The following ARHGEF18 variants were observed in gnomAD, a reference collection of about 807,000 sequenced individuals.
ARHGEF18 encodes the protein Rho/Rac guanine nucleotide exchange factor 18.
ARHGEF18 carries 93 observed loss-of-function variants against 155.7 expected under a neutral mutation model. The ratio of observed to expected loss-of-function variants is 0.60; its 90% CI spans 0.50 to 0.71. The LOEUF (loss-of-function observed/expected upper bound fraction) is 0.71, where lower values mean the gene tolerates loss of function less well. Ranked by LOEUF, ARHGEF18 falls within the 30% of genes least tolerant of loss-of-function variation. ARHGEF18 has a pLI of 0.00. For missense variants in ARHGEF18, 1,593 were observed against 1,816.1 expected, an observed-to-expected ratio of 0.88 and a Z score of 2.23; for synonymous variants, 742 against 753.1, an observed-to-expected ratio of 0.99 and a Z score of 0.24.
chr19:7,376,571 C>T (rs1232748902), intron 4 of ARHGEF18, 72 bp from the exon 5 acceptor site: 1 of 1,005,674 alleles, frequency 9.9e-7, no homozygotes, highest in African/African-American at 1.7e-5. Context: ...TGGGTTGGGC[C>T]CCTCAATCCA....
At chr19:7,409,620 A>G (rs1310206890) in intron 10 of ARHGEF18, among the ~76,000 whole-genome samples, 1 of 149,214 alleles carries the variant, frequency 6.7e-6, no homozygotes, top group African/African-American at 2.5e-5. Flanking sequence ...ATTTTTTAGT[A>G]AACACGGGGT....
the ARHGEF18 span, among the ~76,000 whole-genome samples, chr19:7,479,172 C>T: frequency 1.3e-5 from 2 of 152,162 alleles, no homozygotes; most frequent in East Asian, 3.9e-4. Context: ...GATTCCTGGG[C>T]TCCCCAGACC....
chr19:7,411,874 C>T (rs1489386199), intron 10 of ARHGEF18, among the ~76,000 whole-genome samples: 1 of 152,114 alleles, frequency 6.6e-6, no homozygotes, highest in African/African-American at 2.4e-5. Flanking sequence ...TCTTTTGTGA[C>T]TGGCTTATTT....
At chr19:7,478,413 G>A in the ARHGEF18 span, 1 of 1,581,584 alleles carries the variant, frequency 6.3e-7, no homozygotes, top group South Asian at 1.1e-5. Context: ...TGCCCCGGCG[G>A]GGAGCAGGAG....
chr19:7,467,133 TG>T lies in ARHGEF18; in HGVS notation c.3009+19del. 1 of 1,591,402 alleles carries T rather than the reference TG, an allele frequency of 6.3e-7. No homozygotes were observed. The highest frequency in any genetic ancestry group is 8.6e-7 in the Non-Finnish European group (1 of 1,164,836). On this transcript the variant is annotated intron_variant, in intron 25 of 28. Transcript: ENST00000668164. ...TGAACCTTCAGGTACAGGGGCGGGGTGGGGCCGGCCACGCGTGCCCTTTCCT... is the reference window on the plus strand; with the variant it reads ...TGAACCTTCAGGTACAGGGGCGGGGTGGGCCGGCCACGCGTGCCCTTTCCT...
At position 7,453,642 on chromosome 19, in the gene ARHGEF18, G is replaced by A; in HGVS notation, c.2031G>A (p.Lys677=). 6.2e-7 allele frequency: 1 copy of A among 1,611,354 alleles called. No individual in the cohort carries two copies. The highest frequency in any genetic ancestry group is 8.5e-7 in the Non-Finnish European group (1 of 1,177,932). ...SKLKNGLTFR[K]EDMLQRQLHL... The stretch of plus-strand genomic sequence containing the variant: ...TCAAGAACGGGCTCACCTTCCGCAA[G>A]GAAGACATGCTTCAGCGGCAGCTCC... The change falls in exon 17 of 29, where the codon AAG becomes AAA. Residue 677 remains lysine, a synonymous_variant. Coordinates refer to ENST00000668164, the MANE Select transcript of ARHGEF18 (RefSeq NM_001367823.1).
At chr19:7,414,815 G>GA (rs201364740) in intron 10 of ARHGEF18, among the ~76,000 whole-genome samples, 4,248 of 117,654 alleles carry the variant, frequency 0.036, 98 homozygotes, top group South Asian at 0.11. Context: ...CAAAAAAAAA[G>GA]AAAAAAACAA....
At chr19:7,375,331 AAAGGAAGAAAGAAAAAG>A (rs1970394504) in intron 3 of ARHGEF18, among the ~76,000 whole-genome samples, 1 of 141,354 alleles carries the variant, frequency 7.1e-6, no homozygotes, top group Non-Finnish European at 1.5e-5. Context: ...GAAAGAAAGA[AAAGGAAGAAAGAAAAAG>A]AAAGAAAAGG....
intron 10 of ARHGEF18, among the ~76,000 whole-genome samples, chr19:7,400,102 A>T (rs1971954494): frequency 6.6e-6 from 1 of 152,136 alleles, no homozygotes; most frequent in African/African-American, 2.4e-5. Flanking sequence ...TATATTGAAA[A>T]AATATATATT....
At chr19:7,365,352 A>G (rs1969838274) in intron 2 of ARHGEF18, among the ~76,000 whole-genome samples, 1 of 152,166 alleles carries the variant, frequency 6.6e-6, no homozygotes, top group Admixed American at 6.5e-5. Context: ...GCTTGAACCC[A>G]GGAGGTGGGG....
intron 11 of ARHGEF18, 39 bp from the exon 12 acceptor site, chr19:7,441,613 TC>T (rs756502300): frequency 5.0e-5 from 78 of 1,548,006 alleles, no homozygotes; most frequent in Non-Finnish European, 6.2e-5. Flanking sequence ...TGTGTTTAAT[TC>T]ACTTTTCTAA....
At chr19:7,383,342 G>GAGAACCAGGGATCAGTCCCTGGGC (rs1053136684) in intron 10 of ARHGEF18, 139 bp downstream of exon 10, 6 of 952,638 alleles carry the variant, frequency 6.3e-6, no homozygotes, top group African/African-American at 3.4e-5. Context: ...GCTCCCTGGA[G>GAGAACCAGGGATCAGTCCCTGGGC]AGAACCAGGG....
At position 7,438,045 on chromosome 19, in the gene ARHGEF18, CCTCTCTT is replaced by C. The variant is rs1186698752; in HGVS notation, c.968-2287_968-2281del. 1.4e-3 allele frequency among the ~76,000 whole-genome samples: 147 copies of C among 108,502 alleles called. 1 individual carries two copies. Among genetic ancestry groups the C allele is most frequent in the African/African-American group, 4.4e-3 (120 of 27,266 alleles). 71.2% of individuals were successfully genotyped at this position (108,502 alleles called of 152,430 possible). A position where few individuals can be genotyped will look rare whatever the true frequency, so the allele number is the denominator to read the frequency against. The stretch of plus-strand genomic sequence containing the variant: ...CTTCCCTTCCCCTCTCCTCTTCTCT[CCTCTCTT>C]CTCTCTTCTCTTCTCCCCTCCCCTC... On this transcript the variant is annotated intron_variant, in intron 10 of 28. Coordinates refer to ENST00000668164, the MANE Select transcript of ARHGEF18 (RefSeq NM_001367823.1).
chr19:7,474,077 G>T (rs1977155718), downstream of ARHGEF18, among the ~76,000 whole-genome samples: 1 of 151,740 alleles, frequency 6.6e-6, no homozygotes, highest in South Asian at 2.1e-4. Flanking sequence ...AGTGGCTCAC[G>T]CCTGTAATCC....
intron 2 of ARHGEF18, among the ~76,000 whole-genome samples, chr19:7,364,691 C>T (rs1969809111): frequency 1.3e-5 from 2 of 152,116 alleles, no homozygotes; most frequent in Non-Finnish European, 2.9e-5. Flanking sequence ...GAGGTCGTGG[C>T]AAAGGTCCTG....
intron 10 of ARHGEF18, among the ~76,000 whole-genome samples, chr19:7,392,976 G>C (rs1393625130): frequency 2.2e-5 from 3 of 136,306 alleles, no homozygotes; most frequent in Non-Finnish European, 4.6e-5. Flanking sequence ...GAGCCCAGGA[G>C]ATGGAAGCTG....
In ARHGEF18 at chr19:7,467,125, G is replaced by A. The variant is rs78931124; in HGVS notation, c.3009+7G>A. ...GCTGCTCCTGAACCTTCAGGTACAG[G>A]GGCGGGGTGGGGCCGGCCACGCGTG... On this transcript the variant is annotated splice_region_variant and intron_variant, in intron 25 of 28. Transcript: ENST00000668164. The A allele has an allele frequency of 3.1e-6, 5 of 1,593,484 alleles. No homozygotes were observed. The African/African-American group carries it at 6.7e-5, about 21-fold the overall frequency.
At chr19:7,420,500 A>C (rs563597552) in intron 10 of ARHGEF18, among the ~76,000 whole-genome samples, 60 of 152,200 alleles carry the variant, frequency 3.9e-4, no homozygotes, top group African/African-American at 1.4e-3. Flanking sequence ...TGATCCGCCC[A>C]CCTCGGCCTC....
intron 10 of ARHGEF18, among the ~76,000 whole-genome samples, chr19:7,435,373 C>G (rs1974198845): frequency 6.6e-6 from 1 of 152,072 alleles, no homozygotes; most frequent in South Asian, 2.1e-4. Flanking sequence ...TCACAGTCCT[C>G]TGGAAGCAGG....
Sources: gnomAD v4.1 joint callset for allele counts (sites outside exome capture counted in the v4.1 genomes callset) on GRCh38, gnomAD v4.1.1 for gene constraint, MANE v1.5 for transcripts, NCBI Gene and HGNC (gene_info 2026-07-23, HGNC 2026-07-21) for gene names.